DCDC1: variants seen among roughly 807,000 people sequenced by gnomAD.
DCDC1 encodes the protein doublecortin domain-containing protein 1.
In DCDC1, 200 loss-of-function variants were observed where a neutral mutation model predicts 178.3. The ratio of observed to expected loss-of-function variants is 1.12; its 90% CI spans 1.00 to 1.26. The LOEUF is 1.26. DCDC1 is among the 50% of genes most tolerant of loss of function. The pLI is 0.00. For missense variants in DCDC1, 1,983 were observed against 1,749.2 expected, an observed-to-expected ratio of 1.13 and a Z score of -2.38; for synonymous variants, 690 against 604.8, an observed-to-expected ratio of 1.14 and a Z score of -2.07.
intron 7 of DCDC1, among the ~76,000 whole-genome samples, chr11:31,275,514 GT>G (rs1395523254): frequency 6.6e-6 from 1 of 151,880 alleles, no homozygotes; most frequent in African/African-American, 2.4e-5. Context: ...TTGCTTTTCT[GT>G]TTTTTTGAGA....
At chr11:30,916,059 G>A (rs1323600753) in intron 26 of DCDC1, among the ~76,000 whole-genome samples, 1 of 152,184 alleles carries the variant, frequency 6.6e-6, no homozygotes, top group Non-Finnish European at 1.5e-5. Context: ...GCAGGGGCAT[G>A]TAGAATAAAA....
At chr11:30,996,361 C>T (rs1951269683) in intron 20 of DCDC1, among the ~76,000 whole-genome samples, 1 of 152,126 alleles carries the variant, frequency 6.6e-6, no homozygotes, top group African/African-American at 2.4e-5. Context: ...GGTACAGCCA[C>T]ATCAGAAACA....
At chr11:31,264,238 T>A (rs889500338) in intron 8 of DCDC1, among the ~76,000 whole-genome samples, 1 of 152,176 alleles carries the variant, frequency 6.6e-6, no homozygotes, top group Non-Finnish European at 1.5e-5. Context: ...AAACAGATCA[T>A]GTAGGAGAGT....
At chr11:31,286,613 T>C (rs571614353) in intron 7 of DCDC1, among the ~76,000 whole-genome samples, 4 of 152,130 alleles carry the variant, frequency 2.6e-5, no homozygotes, top group African/African-American at 9.6e-5. Flanking sequence ...AAGTGGTAAA[T>C]GATTTAGCAG....
chr11:31,333,778 G>A (rs1950128459), intron 2 of DCDC1, among the ~76,000 whole-genome samples: 1 of 152,158 alleles, frequency 6.6e-6, no homozygotes, highest in African/African-American at 2.4e-5. Flanking sequence ...CCCTTTGTGG[G>A]TAACCCGACC....
intron 38 of DCDC1, among the ~76,000 whole-genome samples, chr11:30,869,817 C>T (rs1301025538): frequency 6.6e-6 from 1 of 152,122 alleles, no homozygotes; most frequent in Non-Finnish European, 1.5e-5. Flanking sequence ...ATTCCAAAGG[C>T]CTTTGGGCAC....
chr11:31,162,233 T>C (rs1307098482), intron 9 of DCDC1, among the ~76,000 whole-genome samples: 1 of 152,172 alleles, frequency 6.6e-6, no homozygotes, highest in East Asian at 1.9e-4. Flanking sequence ...CCTAAAGATA[T>C]AAGCAAACAG....
chr11:31,037,414 GC>G (rs946321081), intron 20 of DCDC1, among the ~76,000 whole-genome samples: 1 of 147,966 alleles, frequency 6.8e-6, no homozygotes, highest in Non-Finnish European at 1.5e-5. Flanking sequence ...AAATTGGCCT[GC>G]CTCTAAATAT....
chr11:30,910,731 A>AG (rs942649832), intron 28 of DCDC1, among the ~76,000 whole-genome samples: 1 of 152,160 alleles, frequency 6.6e-6, no homozygotes, highest in Non-Finnish European at 1.5e-5. Context: ...GTGAAAAAAA[A>AG]AAGATCTTCC....
intron 9 of DCDC1, among the ~76,000 whole-genome samples, chr11:31,219,950 C>CT (rs1210697209): frequency 6.6e-6 from 1 of 152,140 alleles, no homozygotes; most frequent in African/African-American, 2.4e-5. Context: ...AAAGCCTGGA[C>CT]TTGACCTGAA....
chr11:31,069,353 T>A (rs1302512494), intron 18 of DCDC1, among the ~76,000 whole-genome samples: 1 of 152,200 alleles, frequency 6.6e-6, no homozygotes, highest in African/African-American at 2.4e-5. Context: ...ACCTTTAATC[T>A]TATTCATCTT....
At chr11:30,880,984 A>G (rs1266517982) in intron 37 of DCDC1, among the ~76,000 whole-genome samples, 174 bp downstream of exon 37, 1 of 152,226 alleles carries the variant, frequency 6.6e-6, no homozygotes, top group Non-Finnish European at 1.5e-5. Flanking sequence ...AAACAGTGTT[A>G]ACACGAGGTT....
chr11:31,123,620 T>C (rs1961129082), intron 11 of DCDC1, among the ~76,000 whole-genome samples: 1 of 151,798 alleles, frequency 6.6e-6, no homozygotes, highest in Non-Finnish European at 1.5e-5. Context: ...GGGGCTGATA[T>C]CCAGGTTTCT....
At chr11:31,301,467 A>G (rs1948110372) in intron 6 of DCDC1, among the ~76,000 whole-genome samples, 1 of 152,206 alleles carries the variant, frequency 6.6e-6, no homozygotes, top group Non-Finnish European at 1.5e-5. Flanking sequence ...TTAAGGTATG[A>G]TGTGATGTGA....
intron 9 of DCDC1, among the ~76,000 whole-genome samples, chr11:31,187,303 A>G (rs939718753): frequency 6.6e-6 from 1 of 152,188 alleles, no homozygotes; most frequent in South Asian, 2.1e-4. Context: ...GATTTAATGG[A>G]ACTAACTCTA....
intron 9 of DCDC1, among the ~76,000 whole-genome samples, chr11:31,228,414 G>T (rs1337252248): frequency 6.6e-6 from 1 of 152,028 alleles, no homozygotes; most frequent in African/African-American, 2.4e-5. Flanking sequence ...AGCAAAAGCA[G>T]GGCTTTGAGG....
chr11:30,965,009 A>G (rs1242705088), intron 20 of DCDC1, among the ~76,000 whole-genome samples: 1 of 152,196 alleles, frequency 6.6e-6, no homozygotes, highest in Non-Finnish European at 1.5e-5. Context: ...TAACTTCCAG[A>G]GGACTGCCAA....
chr11:30,864,914 A>G lies in DCDC1; in HGVS notation c.*459T>C, dbSNP rs1219136854. 1 of 152,226 alleles carries G rather than the reference A, an allele frequency of 6.6e-6. No homozygotes were observed. Among genetic ancestry groups the G allele is most frequent in the African/African-American group, 2.4e-5 (1 of 41,460 alleles). 9.4% of individuals were successfully genotyped at this position (152,226 alleles called of 1,614,324 possible). On this transcript the variant is annotated 3_prime_UTR_variant, in exon 39 of 39. Coordinates refer to ENST00000684477, the MANE Select transcript of DCDC1 (RefSeq NM_001387274.1). ...CTCATTTTTCAATGTTCATTCTTCA[A>G]AATAGGCCCATTGAAAAAACTGAGT...
rs948644083 is a variant in DCDC1, at chr11:31,053,086, G to A, written c.2591+11383C>T. ...GATAAATAAAATTGATAGACCATTA[G>A]TAAGATTAACGAAGAAAAGAGAGAG... is the stretch of plus-strand genomic sequence containing the variant. On this transcript the variant is annotated intron_variant, in intron 20 of 38. Transcript: ENST00000684477. 1.2e-4 allele frequency among the ~76,000 whole-genome samples: 18 copies of A among 152,038 alleles called. 1 individual carries two copies. The highest frequency in any genetic ancestry group is 9.2e-4 in the Admixed American group (14 of 15,252).
Sources: allele counts gnomAD v4.1 joint callset (sites outside exome capture counted in the v4.1 genomes callset), GRCh38; gene constraint gnomAD v4.1.1; transcripts MANE v1.5; gene names NCBI Gene and HGNC (gene_info 2026-07-23, HGNC 2026-07-21).